The following PHKB variants were observed in gnomAD, a reference collection of about 807,000 sequenced individuals.
PHKB encodes the protein phosphorylase kinase regulatory subunit beta.
In PHKB, 122 loss-of-function variants were observed where a neutral mutation model predicts 152.1. The ratio of observed to expected loss-of-function variants is 0.80; its 90% confidence interval spans 0.69 to 0.93. The LOEUF (loss-of-function observed/expected upper bound fraction) is 0.93. Ranked by LOEUF, PHKB falls within the 40% of genes least tolerant of loss-of-function variation. The probability of loss-of-function intolerance (pLI) is 0.00; values close to 1 mark genes in which losing one functional copy is unlikely to be tolerated. For synonymous variants in PHKB, 436 were observed against 464.9 expected, an observed-to-expected ratio of 0.94 and a Z score of 0.80; for missense variants, 1,304 against 1,328.4, an observed-to-expected ratio of 0.98 and a Z score of 0.29.
chr16:47,526,083 C>G (rs1257955266), intron 6 of PHKB, among the ~76,000 whole-genome samples: 1 of 152,154 alleles, frequency 6.6e-6, no homozygotes, highest in Non-Finnish European at 1.5e-5. Context: ...ACTAACCAGC[C>G]TCTAACCAGG....
intron 3 of PHKB, among the ~76,000 whole-genome samples, chr16:47,502,568 C>T (rs944941486): frequency 6.6e-6 from 1 of 152,162 alleles, no homozygotes; most frequent in Non-Finnish European, 1.5e-5. Context: ...GCAGCACCTA[C>T]CTTAACTTGT....
At chr16:47,499,607 T>C in intron 2 of PHKB, 149 bp from the exon 3 acceptor site, 1 of 906,362 alleles carries the variant, frequency 1.1e-6, no homozygotes, top group Non-Finnish European at 1.8e-6. Flanking sequence ...CATGAAGTTG[T>C]TTCCACATCT....
intron 1 of PHKB, among the ~76,000 whole-genome samples, chr16:47,491,224 A>G (rs1320996359): frequency 1.3e-5 from 2 of 152,210 alleles, no homozygotes; most frequent in Admixed American, 1.3e-4. Context: ...ATAAGGGGAC[A>G]GACATATAGT....
chr16:47,609,273 C>A (rs1193297681), intron 13 of PHKB, among the ~76,000 whole-genome samples: 7 of 151,622 alleles, frequency 4.6e-5, no homozygotes, highest in Admixed American at 4.6e-4. Context: ...ATGTGTAATC[C>A]CTTCTTTATG....
intron 14 of PHKB, among the ~76,000 whole-genome samples, chr16:47,628,857 G>A (rs1406209919): frequency 6.6e-6 from 1 of 151,998 alleles, no homozygotes; most frequent in Non-Finnish European, 1.5e-5. Flanking sequence ...AGAGCCCTCA[G>A]AAATAATGCC....
intron 6 of PHKB, among the ~76,000 whole-genome samples, chr16:47,538,716 C>T (rs565013931): frequency 1.3e-5 from 2 of 152,282 alleles, no homozygotes; most frequent in South Asian, 4.1e-4. Context: ...ATAGAGATTT[C>T]CTGGAGGCCC....
At position 47,680,461 on chromosome 16, in the gene PHKB, T is replaced by C. The variant is rs193256710; in HGVS notation, c.2631-8580T>C. ...ACAATTTCAGAGCCTGTTATTAGTC[T>C]ATTCAGAGATTCAGGTTCTTCTGGT... On this transcript the variant is annotated intron_variant, in intron 26 of 30. Coordinates refer to ENST00000323584, the MANE Select transcript of PHKB (RefSeq NM_000293.3). Among the ~76,000 whole-genome samples the C allele has an allele frequency of 3.9e-5, 6 of 152,354 alleles. No homozygotes were observed. The East Asian group carries it at 1.2e-3, about 29-fold the overall frequency.
intron 26 of PHKB, among the ~76,000 whole-genome samples, chr16:47,680,270 T>G (rs146264222): frequency 0.12 from 17,881 of 152,080 alleles, 2,294 homozygotes; most frequent in African/African-American, 0.32. Flanking sequence ...GTATCAGGAT[T>G]ATGCTGGCCT....
chr16:47,481,817 A>G (rs1969968325), intron 1 of PHKB, among the ~76,000 whole-genome samples: 1 of 152,234 alleles, frequency 6.6e-6, no homozygotes, highest in South Asian at 2.1e-4. Context: ...CTTGAAAGTT[A>G]CAAAGTGATA....
chr16:47,566,153 G>C (rs1260674923), intron 7 of PHKB: 2 of 648,856 alleles, frequency 3.1e-6, no homozygotes, highest in East Asian at 2.6e-5. Context: ...CCCAGTCGCC[G>C]TATCAATCCA....
chr16:47,487,859 A>G (rs1427761348), intron 1 of PHKB, among the ~76,000 whole-genome samples: 3 of 152,176 alleles, frequency 2.0e-5, no homozygotes, highest in Non-Finnish European at 4.4e-5. Flanking sequence ...TCCTGCGTTG[A>G]GTCCATGACC....
intron 8 of PHKB, among the ~76,000 whole-genome samples, chr16:47,586,080 A>T (rs1357362034): frequency 6.6e-6 from 1 of 152,182 alleles, no homozygotes; most frequent in Non-Finnish European, 1.5e-5. Context: ...TTCAGAGCCT[A>T]GCTATGGTCC....
intron 14 of PHKB, among the ~76,000 whole-genome samples, chr16:47,625,577 C>T (rs1972695529): frequency 6.6e-6 from 1 of 152,144 alleles, no homozygotes; most frequent in Non-Finnish European, 1.5e-5. Context: ...TGCCTGTTAC[C>T]AGACCTTAGC....
chr16:47,543,144 A>C (rs1971092539), intron 6 of PHKB, among the ~76,000 whole-genome samples: 1 of 152,160 alleles, frequency 6.6e-6, no homozygotes, highest in South Asian at 2.1e-4. Context: ...GGTTTGTCAT[A>C]AATAGCTCTT....
At chr16:47,674,324 G>C (rs1270705373) in intron 26 of PHKB, among the ~76,000 whole-genome samples, 2 of 152,078 alleles carry the variant, frequency 1.3e-5, no homozygotes, top group Non-Finnish European at 1.5e-5. Context: ...TTCTAAGTTG[G>C]CCGCTTGTAT....
intron 13 of PHKB, chr16:47,599,009 C>T (rs1972173063): frequency 5.9e-6 from 5 of 847,870 alleles, no homozygotes; most frequent in South Asian, 1.5e-5. Context: ...TCCCTGACAG[C>T]GCCAACGATT....
At chr16:47,661,928 C>G (rs975081587) in intron 23 of PHKB, 128 bp downstream of exon 23, 23 of 728,186 alleles carry the variant, frequency 3.2e-5, no homozygotes, top group Middle Eastern at 2.3e-4. Context: ...TTCTTTTTCA[C>G]TTTTGAATGG....
rs78949512 is a variant in PHKB, at chr16:47,593,706, A to G, written c.1126+149A>G. On this transcript the variant is annotated intron_variant, in intron 11 of 30. Coordinates refer to ENST00000323584, the MANE Select transcript of PHKB (RefSeq NM_000293.3). ...GCTTCAGTGATGTTAATTGCCCTGC[A>G]TTTGTATATACTACTCTTTTGCTTT... 8.0e-4 allele frequency: 531 copies of G among 662,420 alleles called. 4 individuals are homozygous for G. In the African/African-American group the frequency reaches 8.4e-3, roughly 10 times the overall value. The allele number at this position is 662,420 out of a possible 1,614,324, so 41.0% of individuals were successfully genotyped here.
At chr16:47,542,131 T>G (rs1971071321) in intron 6 of PHKB, among the ~76,000 whole-genome samples, 1 of 152,234 alleles carries the variant, frequency 6.6e-6, no homozygotes, top group South Asian at 2.1e-4. Flanking sequence ...TGGTTTTGGG[T>G]CTTATATTTA....
Sources: allele counts gnomAD v4.1 joint callset (sites outside exome capture counted in the v4.1 genomes callset), GRCh38; gene constraint gnomAD v4.1.1; transcripts MANE v1.5; gene names NCBI Gene and HGNC (gene_info 2026-07-23, HGNC 2026-07-21).